The following CDK17 variants were observed in gnomAD, a reference collection of about 807,000 sequenced individuals.
The protein encoded by CDK17 is cyclin dependent kinase 17, also known as cyclin-dependent kinase 17.
A neutral mutation model predicts 77.6 loss-of-function variants in CDK17; 24 were observed. The ratio of observed to expected loss-of-function variants is 0.31; its 90% confidence interval spans 0.22 to 0.44. The LOEUF (loss-of-function observed/expected upper bound fraction) is 0.44. Among genes scored for constraint, CDK17 ranks in the 20% least tolerant of loss-of-function variants. The pLI, the probability that CDK17 is intolerant of heterozygous loss-of-function variation, is 1.00. For missense variants in CDK17, 429 were observed against 622.5 expected (o/e 0.69, Z 3.31); for synonymous variants, 203 against 210.4 (o/e 0.96, Z 0.30).
intron 1 of CDK17, among the ~76,000 whole-genome samples, chr12:96,341,519 CA>C (rs763136484): frequency 1.3e-5 from 2 of 152,150 alleles, no homozygotes; most frequent in Non-Finnish European, 2.9e-5. Context: ...GTTCAAAAAT[CA>C]GTTATCAACA....
intron 1 of CDK17, among the ~76,000 whole-genome samples, chr12:96,340,959 C>A (rs1012859687): frequency 2.6e-5 from 4 of 151,836 alleles, no homozygotes; most frequent in African/African-American, 9.7e-5. Context: ...CGTATAGTAC[C>A]CAATAGGTAG....
chr12:96,393,888 T>C (rs1954118586), intron 1 of CDK17, among the ~76,000 whole-genome samples: 1 of 152,210 alleles, frequency 6.6e-6, no homozygotes, highest in African/African-American at 2.4e-5. Context: ...ACATATTAAC[T>C]AATTTAAAGA....
chr12:96,314,949 G>T (rs1952691113), intron 3 of CDK17, among the ~76,000 whole-genome samples: 1 of 152,176 alleles, frequency 6.6e-6, no homozygotes, highest in South Asian at 2.1e-4. Context: ...CTGCACTGAA[G>T]AACATTTTTT....
chr12:96,399,869 G>A (rs539494282), intron 1 of CDK17, 117 bp downstream of exon 1: 1 of 282,302 alleles, frequency 3.5e-6, no homozygotes, highest in East Asian at 6.1e-5. Context: ...GACCGGGCCT[G>A]AGCCACCCGC....
chr12:96,351,329 A>G (rs1953309769), intron 1 of CDK17, among the ~76,000 whole-genome samples: 1 of 152,082 alleles, frequency 6.6e-6, no homozygotes, highest in South Asian at 2.1e-4. Flanking sequence ...AAAAAAAAAA[A>G]AACTGAAAAC....
intron 1 of CDK17, among the ~76,000 whole-genome samples, chr12:96,340,703 G>A (rs1953109644): frequency 6.6e-6 from 1 of 152,064 alleles, no homozygotes; most frequent in Non-Finnish European, 1.5e-5. Flanking sequence ...CTGGCTTTAA[G>A]GTTAATCTTT....
chr12:96,279,587 CAA>C lies in CDK17; in HGVS notation c.*653_*654del, dbSNP rs752026605. 17 of 152,310 alleles carry C rather than the reference CAA, an allele frequency of 1.1e-4. No individual in the cohort carries two copies. In the South Asian group the frequency reaches 1.2e-3, roughly 11 times the overall value. 9.4% of individuals were successfully genotyped at this position (152,310 alleles called of 1,614,324 possible). On this transcript the variant is annotated 3_prime_UTR_variant, in exon 17 of 17. Coordinates refer to ENST00000261211, the MANE Select transcript of CDK17 (RefSeq NM_002595.5). ...TTGTTGGTGTCTAATGTGAGATCCT[CAA>C]AATGTCAGGGATTCACTTGCTTGAA...
intron 1 of CDK17, chr12:96,386,927 C>A: frequency 4.0e-6 from 1 of 248,180 alleles, no homozygotes. Flanking sequence ...AACAGCTTCC[C>A]TTTTCTTAGG....
intron 15 of CDK17, 60 bp from the exon 16 acceptor site, chr12:96,280,945 TACTATCAAC>T: frequency 7.6e-7 from 1 of 1,309,146 alleles, no homozygotes; most frequent in Non-Finnish European, 1.1e-6. Context: ...AACACAACCC[TACTATCAAC>T]AAATGTTTAT....
intron 3 of CDK17, among the ~76,000 whole-genome samples, chr12:96,319,584 CA>C (rs1480833928): frequency 7.0e-6 from 1 of 142,992 alleles, no homozygotes; most frequent in African/African-American, 2.7e-5. Context: ...AGCAGCACAT[CA>C]AAAAGCTTAT....
rs755814178 is a variant in CDK17 at position 96,298,853 on chromosome 12, T to C, written c.715+16A>G. 3 of 1,338,308 alleles carry C rather than the reference T, an allele frequency of 2.2e-6. No homozygotes were observed. Among genetic ancestry groups the C allele is most frequent in the Non-Finnish European group, 3.2e-6 (3 of 947,566 alleles). 82.9% of individuals were successfully genotyped at this position (1,338,308 alleles called of 1,614,324 possible). A position where few individuals can be genotyped will look rare whatever the true frequency, so the allele number is the denominator to read the frequency against. On this transcript the variant is annotated intron_variant, in intron 7 of 16. Transcript: ENST00000261211. ...CCACCACTTTGATTTTAAAATGTTC[T>C]GTATAATTATTATACCTTCTCTTAT...
At chr12:96,348,293 C>T (rs1186077094) in intron 1 of CDK17, among the ~76,000 whole-genome samples, 3 of 152,018 alleles carry the variant, frequency 2.0e-5, no homozygotes, top group South Asian at 2.1e-4. Context: ...GGGAGGCTGA[C>T]GTGGGTGGAC....
At chr12:96,320,689 G>C (rs1282733004) in intron 3 of CDK17, among the ~76,000 whole-genome samples, 5 of 149,988 alleles carry the variant, frequency 3.3e-5, no homozygotes, top group African/African-American at 1.2e-4. Context: ...ACAAACCTGA[G>C]AAAAACAAGC....
At chr12:96,399,954 A>C in intron 1 of CDK17, 32 bp downstream of exon 1, 2 of 365,106 alleles carry the variant, frequency 5.5e-6, no homozygotes, top group Non-Finnish European at 4.9e-6. Context: ...CACCAGGGGA[A>C]AGCGCGGCGC....
At chr12:96,360,164 T>C (rs912628939) in intron 1 of CDK17, among the ~76,000 whole-genome samples, 1 of 152,154 alleles carries the variant, frequency 6.6e-6, no homozygotes, top group Non-Finnish European at 1.5e-5. Context: ...TCAAAATATC[T>C]AGAAGTCTTG....
At chr12:96,322,142 C>T (rs1262535402) in intron 3 of CDK17, among the ~76,000 whole-genome samples, 1 of 152,094 alleles carries the variant, frequency 6.6e-6, no homozygotes, top group Non-Finnish European at 1.5e-5. Context: ...TCGGTATTTT[C>T]ATTTCCATCA....
intron 2 of CDK17, among the ~76,000 whole-genome samples, chr12:96,331,046 A>C (rs778169935): frequency 1.3e-5 from 2 of 152,222 alleles, no homozygotes; most frequent in Non-Finnish European, 2.9e-5. Context: ...TCCTGGGTTC[A>C]AGCAATTCTC....
In CDK17 at chr12:96,313,428, C is replaced by A; in HGVS notation, c.310G>T (p.Gly104Ter). The A allele has an allele frequency of 6.4e-7, 1 of 1,564,290 alleles. No homozygotes were observed. Among genetic ancestry groups the A allele is most frequent in the South Asian group, 1.2e-5 (1 of 82,474 alleles). The change falls in exon 4 of 17, where the codon GGA becomes TGA. Residue 104 changes from glycine (G) to a stop codon, truncating the protein, a stop_gained. Coordinates refer to ENST00000261211, the MANE Select transcript of CDK17 (RefSeq NM_002595.5). LOFTEE classifies it high-confidence loss of function. Reference protein sequence around the residue: ...LDIVHENLKMGSDGESDQASG... With the variant: ...LDIVHENLKM ...GCTTGGTCACTCTCACCATCTGATC[C>A]CATTTTTAGATTTTCATGAACAATA...
At chr12:96,375,444 C>T (rs774436569) in intron 1 of CDK17, among the ~76,000 whole-genome samples, 1 of 149,920 alleles carries the variant, frequency 6.7e-6, no homozygotes, top group African/African-American at 2.5e-5. Flanking sequence ...CCTCCTTAGG[C>T]AAGCTCATTC....
Sources: gnomAD v4.1 joint callset for allele counts (sites outside exome capture counted in the v4.1 genomes callset) on GRCh38, gnomAD v4.1.1 for gene constraint, MANE v1.5 for transcripts, NCBI Gene and HGNC (gene_info 2026-07-23, HGNC 2026-07-21) for gene names.